Variants in DNER observed in about 807,000 individuals in gnomAD.
The protein encoded by DNER is delta/notch like EGF repeat containing, also known as delta and Notch-like epidermal growth factor-related receptor.
In DNER, 33 loss-of-function variants were observed where a neutral mutation model predicts 78.2. The observed-to-expected ratio is 0.42, with a 90% confidence interval of 0.32 to 0.56. DNER has a LOEUF of 0.56. Ranked by LOEUF, DNER falls within the 20% of genes least tolerant of loss-of-function variation. The probability of loss-of-function intolerance (pLI) is 0.11; values close to 1 mark genes in which losing one functional copy is unlikely to be tolerated. For synonymous variants in DNER, 417 were observed against 384.8 expected, an observed-to-expected ratio of 1.08 and a Z score of -0.98; for missense variants, 918 against 975.3, an observed-to-expected ratio of 0.94 and a Z score of 0.78.
chr2:229,415,911 A>G (rs1693641070), intron 9 of DNER, among the ~76,000 whole-genome samples: 1 of 152,198 alleles, frequency 6.6e-6, no homozygotes. Flanking sequence ...CCTTCGAAGA[A>G]TCTTGTAAAA....
chr2:229,438,201 C>A (rs1301558030), intron 8 of DNER, among the ~76,000 whole-genome samples: 3 of 152,212 alleles, frequency 2.0e-5, no homozygotes, highest in Non-Finnish European at 2.9e-5. Context: ...CAGAGTTGCG[C>A]TTCTCTGTGC....
At chr2:229,470,380 T>C (rs1447277629) in intron 7 of DNER, among the ~76,000 whole-genome samples, 1 of 152,130 alleles carries the variant, frequency 6.6e-6, no homozygotes, top group South Asian at 2.1e-4. Flanking sequence ...GTCCTGGTCA[T>C]TCACTGAAAG....
At chr2:229,580,508 A>C (rs112700020) in intron 4 of DNER, among the ~76,000 whole-genome samples, 77 of 152,364 alleles carry the variant, frequency 5.1e-4, no homozygotes, top group African/African-American at 1.8e-3. Context: ...GGATTGAAAA[A>C]ATAGTAGGCT....
intron 6 of DNER, among the ~76,000 whole-genome samples, chr2:229,488,883 T>A (rs1212718179): frequency 6.6e-6 from 1 of 150,694 alleles, no homozygotes; most frequent in Non-Finnish European, 1.5e-5. Flanking sequence ...CACAACAATA[T>A]CAACAGCTGA....
chr2:229,531,906 G>T (rs913525128), intron 5 of DNER, among the ~76,000 whole-genome samples: 1 of 152,160 alleles, frequency 6.6e-6, no homozygotes, highest in African/African-American at 2.4e-5. Context: ...GACACAAAAG[G>T]TCCATTCAAT....
intron 1 of DNER, among the ~76,000 whole-genome samples, chr2:229,673,254 G>A (rs904044185): frequency 6.6e-6 from 1 of 152,172 alleles, no homozygotes; most frequent in Non-Finnish European, 1.5e-5. Flanking sequence ...CCTGGCAATT[G>A]GTAGGTATTG....
At chr2:229,402,518 G>T (rs1403062516) in intron 10 of DNER, among the ~76,000 whole-genome samples, 1 of 152,130 alleles carries the variant, frequency 6.6e-6, no homozygotes, top group African/African-American at 2.4e-5. Context: ...AAAAATAGTT[G>T]AGTTAAAAGA....
intron 1 of DNER, among the ~76,000 whole-genome samples, chr2:229,708,149 C>A (rs1457581783): frequency 6.6e-6 from 1 of 152,214 alleles, no homozygotes; most frequent in East Asian, 1.9e-4. Context: ...GTGAGCCTGG[C>A]TGCCCTTCAG....
chr2:229,707,077 G>A (rs928200708), intron 1 of DNER, among the ~76,000 whole-genome samples: 1 of 151,366 alleles, frequency 6.6e-6, no homozygotes, highest in Non-Finnish European at 1.5e-5. Context: ...GCAGTGATGC[G>A]ATCTCGGCTC....
chr2:229,425,045 ATTG>A (rs770524857), intron 8 of DNER, among the ~76,000 whole-genome samples: 7 of 152,154 alleles, frequency 4.6e-5, no homozygotes, highest in Non-Finnish European at 8.8e-5. Flanking sequence ...AGGGTTTCAA[ATTG>A]TTGTGAAGGG....
intron 1 of DNER, among the ~76,000 whole-genome samples, chr2:229,658,454 T>G (rs1698949084): frequency 6.6e-6 from 1 of 152,348 alleles, no homozygotes; most frequent in African/African-American, 2.4e-5. Context: ...GGGACCCAAG[T>G]GAGACTTCTC....
chr2:229,649,483 T>G (rs1698774059), intron 1 of DNER, among the ~76,000 whole-genome samples: 1 of 152,204 alleles, frequency 6.6e-6, no homozygotes, highest in African/African-American at 2.4e-5. Flanking sequence ...TTATAGGGTT[T>G]CCAATTTCTA....
intron 1 of DNER, among the ~76,000 whole-genome samples, chr2:229,658,872 A>G (rs1698957856): frequency 6.6e-6 from 1 of 152,216 alleles, no homozygotes; most frequent in South Asian, 2.1e-4. Context: ...AACACTCATC[A>G]TATAAAAATA....
At chr2:229,369,314 A>AGTTTTAACTTTCTAAAAAGTTAAAAAAAT (rs1692426213) in intron 11 of DNER, among the ~76,000 whole-genome samples, 1 of 150,146 alleles carries the variant, frequency 6.7e-6, no homozygotes, top group African/African-American at 2.4e-5. Flanking sequence ...GTTAAAAAAA[A>AGTTTTAACTTTCTAAAAAGTTAAAAAAAT]GTTTTAACTT....
At chr2:229,409,119 A>G (rs1459957618) in intron 9 of DNER, among the ~76,000 whole-genome samples, 1 of 152,182 alleles carries the variant, frequency 6.6e-6, no homozygotes. Context: ...ATTCTTCTTC[A>G]TTTGGGTGTG....
intron 10 of DNER, among the ~76,000 whole-genome samples, chr2:229,399,743 TG>T (rs2106340939): frequency 6.6e-6 from 1 of 152,202 alleles, no homozygotes; most frequent in Admixed American, 6.5e-5. Context: ...AGCTGATTTT[TG>T]ACGAAAGTTC....
chr2:229,594,113 C>T (rs1305287760), intron 1 of DNER, among the ~76,000 whole-genome samples: 1 of 152,210 alleles, frequency 6.6e-6, no homozygotes, highest in Non-Finnish European at 1.5e-5. Flanking sequence ...CAGAAGTCCA[C>T]ATTCCTTCAG....
At chr2:229,399,480 A>G (rs1055147789) in intron 10 of DNER, among the ~76,000 whole-genome samples, 4 of 152,050 alleles carry the variant, frequency 2.6e-5, no homozygotes, top group African/African-American at 7.2e-5. Flanking sequence ...CCAAATTGAT[A>G]TACTGGTTTA....
At chr2:229,391,822 C>A (rs1165153797) in intron 10 of DNER, among the ~76,000 whole-genome samples, 1 of 152,124 alleles carries the variant, frequency 6.6e-6, no homozygotes, top group African/African-American at 2.4e-5. Flanking sequence ...GGATTACAGG[C>A]ATGAGCCACC....
Sources: allele counts gnomAD v4.1 joint callset (sites outside exome capture counted in the v4.1 genomes callset), GRCh38; gene constraint gnomAD v4.1.1; transcripts MANE v1.5; gene names NCBI Gene and HGNC (gene_info 2026-07-23, HGNC 2026-07-21).